PTK2: variants seen among roughly 807,000 people sequenced by gnomAD.
The protein encoded by PTK2 is focal adhesion kinase 1.
A neutral mutation model predicts 150.1 loss-of-function variants in PTK2; 45 were observed. That is an observed-to-expected ratio of 0.30 (90% confidence interval 0.24 to 0.38). The LOEUF is 0.38. Among genes scored for constraint, PTK2 ranks in the 10% least tolerant of loss-of-function variants. PTK2 has a pLI of 1.00. For synonymous variants in PTK2, 432 were observed against 449.2 expected (o/e 0.96, Z 0.48); for missense variants, 919 against 1,307.3 (o/e 0.70, Z 4.58).
At chr8:140,778,430 G>T (rs4246125) in intron 14 of PTK2, among the ~76,000 whole-genome samples, 82,777 of 152,112 alleles carry the variant, frequency 0.54, 23,626 homozygotes, top group African/African-American at 0.7. Context: ...CAGCCTGGGT[G>T]ACAGAGAGGG....
chr8:140,739,709 T>C (rs2100054592), intron 20 of PTK2, among the ~76,000 whole-genome samples: 2 of 152,136 alleles, frequency 1.3e-5, no homozygotes, highest in African/African-American at 2.4e-5. Flanking sequence ...GCTGCCCCAC[T>C]AACAGGTGCC....
intron 1 of PTK2, among the ~76,000 whole-genome samples, chr8:140,995,671 T>C (rs1476062950): frequency 1.3e-5 from 2 of 151,586 alleles, no homozygotes; most frequent in Non-Finnish European, 1.5e-5. Flanking sequence ...TAGCTGGCCA[T>C]GGTGGTGCAT....
intron 27 of PTK2, among the ~76,000 whole-genome samples, chr8:140,685,091 A>G (rs1478601012): frequency 6.6e-6 from 1 of 152,222 alleles, no homozygotes; most frequent in African/African-American, 2.4e-5. Context: ...ATAAAACTTC[A>G]TACCTACAAC....
chr8:140,778,981 C>T (rs1419494498), intron 14 of PTK2, among the ~76,000 whole-genome samples: 1 of 152,040 alleles, frequency 6.6e-6, no homozygotes, highest in Admixed American at 6.6e-5. Flanking sequence ...GGTGCTGGGG[C>T]TGGGCACAGT....
chr8:140,733,286 C>T (rs922914673), intron 22 of PTK2, among the ~76,000 whole-genome samples: 2 of 152,110 alleles, frequency 1.3e-5, no homozygotes, highest in Non-Finnish European at 2.9e-5. Flanking sequence ...AAACATGATG[C>T]CCAGCCAGCA....
chr8:140,903,282 G>A (rs2100159503), intron 2 of PTK2, among the ~76,000 whole-genome samples: 1 of 152,140 alleles, frequency 6.6e-6, no homozygotes, highest in Non-Finnish European at 1.5e-5. Context: ...TCAAAGATCA[G>A]ATGGTTGTAG....
chr8:140,838,493 T>C (rs2100120185), intron 7 of PTK2, among the ~76,000 whole-genome samples: 1 of 152,164 alleles, frequency 6.6e-6, no homozygotes, highest in Non-Finnish European at 1.5e-5. Context: ...TAAGTATCTT[T>C]ATTATATAAA....
intron 7 of PTK2, among the ~76,000 whole-genome samples, chr8:140,843,635 T>C (rs948080547): frequency 1.3e-5 from 2 of 152,192 alleles, no homozygotes; most frequent in East Asian, 3.8e-4. Flanking sequence ...CTATTTGCCA[T>C]CTATTGTACC....
intron 10 of PTK2, among the ~76,000 whole-genome samples, chr8:140,810,272 G>C (rs1003625493): frequency 6.6e-6 from 1 of 152,224 alleles, no homozygotes; most frequent in Non-Finnish European, 1.5e-5. Flanking sequence ...CGTCTGTAGT[G>C]GAACATGGCC....
At chr8:140,665,519 G>C (rs28475187) in intron 30 of PTK2, among the ~76,000 whole-genome samples, 8,820 of 152,124 alleles carry the variant, frequency 0.058, 817 homozygotes, top group African/African-American at 0.2. Flanking sequence ...TCATCTATTA[G>C]GCACACTGAG....
chr8:140,941,790 C>T (rs780250398), intron 1 of PTK2, among the ~76,000 whole-genome samples: 80 of 152,150 alleles, frequency 5.3e-4, no homozygotes, highest in Non-Finnish European at 7.2e-4. Context: ...AATGCAGCCT[C>T]GACCCCTCAG....
rs573952026 is a variant in PTK2 at position 140,918,778 on chromosome 8, C to G, written c.-33+6883G>C. 4.6e-5 allele frequency among the ~76,000 whole-genome samples: 7 copies of G among 152,310 alleles called. No individual in the cohort carries two copies. The South Asian group carries it at 6.2e-4, about 14-fold the overall frequency. On this transcript the variant is annotated intron_variant, in intron 2 of 31. Coordinates refer to ENST00000522684, the Ensembl canonical transcript of PTK2. ...TTGAGGTTAATGTGACTGATAAAATCAAATGTGTGGTTTAGAATGTCTAAC... is the reference window on the plus strand; with the variant it reads ...TTGAGGTTAATGTGACTGATAAAATGAAATGTGTGGTTTAGAATGTCTAAC...
chr8:140,951,796 A>G (rs2100179629), intron 1 of PTK2, among the ~76,000 whole-genome samples: 1 of 152,086 alleles, frequency 6.6e-6, no homozygotes, highest in African/African-American at 2.4e-5. Flanking sequence ...AAATGGGCGC[A>G]TCATTTGAGC....
At chr8:140,905,634 C>T (rs963121953) in intron 2 of PTK2, among the ~76,000 whole-genome samples, 2 of 152,036 alleles carry the variant, frequency 1.3e-5, no homozygotes, top group African/African-American at 2.4e-5. Flanking sequence ...AAGATAAACA[C>T]GGATATTCAG....
chr8:140,695,138 T>C (rs1013125720), intron 26 of PTK2, among the ~76,000 whole-genome samples: 9 of 152,252 alleles, frequency 5.9e-5, no homozygotes, highest in African/African-American at 2.2e-4. Context: ...CTCCTCATTC[T>C]GAATTTTATT....
chr8:140,803,950 T>C lies in PTK2; in HGVS notation c.868-300A>G, dbSNP rs116350346. Among the ~76,000 whole-genome samples the C allele has an allele frequency of 6.2e-3, 949 of 152,220 alleles. 7 individuals are homozygous for C. The highest frequency in any genetic ancestry group is 0.021 in the African/African-American group (867 of 41,534). On this transcript the variant is annotated intron_variant, in intron 10 of 31. Coordinates refer to ENST00000522684, the Ensembl canonical transcript of PTK2. ...ACAGAAGATAAAGGAGGGAGGGAAG[T>C]TGAAGCAACCTTTGGCCTGACTCGT...
chr8:140,855,128 G>C (rs1267157162), intron 5 of PTK2, among the ~76,000 whole-genome samples: 1 of 152,106 alleles, frequency 6.6e-6, no homozygotes, highest in African/African-American at 2.4e-5. Context: ...TGAGATTCCA[G>C]GCATGAGCCA....
rs570940884 is a variant in PTK2, at chr8:140,870,841, A to AT, written c.363-6443dup. On this transcript the variant is annotated intron_variant, in intron 4 of 31. Coordinates refer to ENST00000522684, the Ensembl canonical transcript of PTK2. Reference sequence around the variant, plus strand: ...ATGAAATTAAGAATAATTTTTGGAGATTTTTAACAACTTTTGGTTATATTT... The same window carrying AT: ...ATGAAATTAAGAATAATTTTTGGAGATTTTTTAACAACTTTTGGTTATATTT... Among the ~76,000 whole-genome samples the AT allele has an allele frequency of 1.7e-4, 26 of 152,280 alleles. No homozygotes were observed. The South Asian group carries it at 5.0e-3, about 29-fold the overall frequency.
intron 2 of PTK2, among the ~76,000 whole-genome samples, chr8:140,906,565 A>G (rs1381538029): frequency 6.6e-6 from 1 of 152,222 alleles, no homozygotes; most frequent in East Asian, 1.9e-4. Context: ...CCAGGCACAG[A>G]AAGACAAATA....
Sources: gnomAD v4.1 joint callset for allele counts (sites outside exome capture counted in the v4.1 genomes callset) on GRCh38, gnomAD v4.1.1 for gene constraint, MANE v1.5 for transcripts, NCBI Gene and HGNC (gene_info 2026-07-23, HGNC 2026-07-21) for gene names.